SCMH1: variants seen among roughly 807,000 people sequenced by gnomAD.
SCMH1 encodes polycomb protein SCMH1.
Under a neutral mutation model 70.8 loss-of-function variants are expected in SCMH1, and 37 were observed. The observed-to-expected ratio is 0.52, with a 90% confidence interval of 0.40 to 0.69. The LOEUF is 0.69. Among genes scored for constraint, SCMH1 ranks in the 30% least tolerant of loss-of-function variants. The pLI, the probability that SCMH1 is intolerant of heterozygous loss-of-function variation, is 0.00. For synonymous variants in SCMH1, 292 were observed against 307.4 expected (o/e 0.95, Z 0.52); for missense variants, 607 against 827.3 (o/e 0.73, Z 3.27).
chr1:41,169,310 T>C (rs1400207920), intron 2 of SCMH1, among the ~76,000 whole-genome samples: 1 of 152,208 alleles, frequency 6.6e-6, no homozygotes, highest in African/African-American at 2.4e-5. Context: ...AGCTCCCGAA[T>C]GTAAGTTCAT....
chr1:41,062,740 GAAAAAAA>G (rs1292039887), intron 10 of SCMH1, among the ~76,000 whole-genome samples: 5 of 98,206 alleles, frequency 5.1e-5, no homozygotes, highest in Non-Finnish European at 8.4e-5. Context: ...CTCCATCTCA[GAAAAAAA>G]AAAAAAAAAG....
chr1:41,135,455 G>C (rs1643133861), intron 6 of SCMH1, among the ~76,000 whole-genome samples: 1 of 152,082 alleles, frequency 6.6e-6, no homozygotes, highest in Non-Finnish European at 1.5e-5. Flanking sequence ...GGTTTTATAA[G>C]GGGCTTCCCC....
rs145818067 is a variant in SCMH1, at chr1:41,231,879, G to A, written c.-118+10180C>T. Among the ~76,000 whole-genome samples, 1,121 of 151,982 alleles carry A rather than the reference G, an allele frequency of 7.4e-3. 17 individuals are homozygous for A. The highest frequency in any genetic ancestry group is 0.025 in the African/African-American group (1,049 of 41,432). On this transcript the variant is annotated intron_variant, in intron 1 of 14. Coordinates refer to ENST00000337495, the Ensembl canonical transcript of SCMH1. Reference sequence around the variant, plus strand: ...CTATTAAAAATACAAAAAATTAGCCGGGTGTGGTGGTAGGCACCTGTAATC... The same window carrying A: ...CTATTAAAAATACAAAAAATTAGCCAGGTGTGGTGGTAGGCACCTGTAATC...
intron 9 of SCMH1, among the ~76,000 whole-genome samples, chr1:41,072,364 C>A (rs903936310): frequency 1.3e-5 from 2 of 152,120 alleles, no homozygotes; most frequent in Non-Finnish European, 2.9e-5. Flanking sequence ...ATAATGTAAA[C>A]CTATTTGAGA....
intron 12 of SCMH1, chr1:41,043,199 T>C (rs891586995): frequency 1.2e-4 from 18 of 152,084 alleles, no homozygotes; most frequent in African/African-American, 4.1e-4. Context: ...GTTCAAGCAA[T>C]TCTCCTGCCT....
chr1:41,083,159 T>C (rs977792169), intron 8 of SCMH1, among the ~76,000 whole-genome samples: 59 of 152,156 alleles, frequency 3.9e-4, no homozygotes, highest in Non-Finnish European at 7.8e-4. Context: ...AAAGGGTATT[T>C]AATTAGGAAA....
At chr1:41,029,492 G>A (rs890052787) in intron 13 of SCMH1, among the ~76,000 whole-genome samples, 11 of 152,106 alleles carry the variant, frequency 7.2e-5, no homozygotes, top group Non-Finnish European at 1.0e-4. Context: ...GAACCACCGC[G>A]CCCAGCCACA....
intron 13 of SCMH1, among the ~76,000 whole-genome samples, chr1:41,033,152 T>C (rs1380999876): frequency 6.6e-6 from 1 of 151,686 alleles, no homozygotes; most frequent in Non-Finnish European, 1.5e-5. Flanking sequence ...GGTGTGGTGG[T>C]GCATGCCTGC....
In SCMH1 at chr1:41,171,654, A is replaced by T. The variant is rs188676639; in HGVS notation, c.14-10222T>A. 1.1e-4 allele frequency among the ~76,000 whole-genome samples: 17 copies of T among 152,324 alleles called. No individual in the cohort carries two copies. The East Asian group carries it at 3.3e-3, about 29-fold the overall frequency. ...ATTCTCCAAATTAGACCATAAGTAAATCTCACCAAATTTAAGAGAACTGAA... is the reference window on the plus strand; with the variant it reads ...ATTCTCCAAATTAGACCATAAGTAATTCTCACCAAATTTAAGAGAACTGAA... On this transcript the variant is annotated intron_variant, in intron 2 of 14. Transcript: ENST00000337495.
rs369008811 is a variant in SCMH1, at chr1:41,192,815, GATGCACACTT to G, written c.-117-6575_-117-6566del. On this transcript the variant is annotated intron_variant, in intron 1 of 14. Coordinates refer to ENST00000337495, the Ensembl canonical transcript of SCMH1. Reference sequence around the variant, plus strand: ...CTATGGCTTGTTTTCATTGCATTATGATGCACACTTATGCTTCACCAATTCACATTCCTCT... The same window carrying G: ...CTATGGCTTGTTTTCATTGCATTATGATGCTTCACCAATTCACATTCCTCT... Among the ~76,000 whole-genome samples the G allele has an allele frequency of 2.2e-4, 34 of 152,204 alleles. 1 individual carries two copies. The East Asian group carries it at 5.0e-3, about 22-fold the overall frequency.
intron 10 of SCMH1, among the ~76,000 whole-genome samples, chr1:41,055,915 CT>C (rs1650095270): frequency 6.6e-6 from 1 of 152,176 alleles, no homozygotes; most frequent in Non-Finnish European, 1.5e-5. Flanking sequence ...GATGAGACTT[CT>C]GATGGGGCAT....
intron 10 of SCMH1, among the ~76,000 whole-genome samples, chr1:41,058,378 G>GCTTTTT (rs1651265519): frequency 1.2e-5 from 1 of 81,640 alleles, no homozygotes; most frequent in Non-Finnish European, 2.1e-5. Flanking sequence ...TTTCTTTCTT[G>GCTTTTT]TTTTTTTTTT....
intron 5 of SCMH1, among the ~76,000 whole-genome samples, chr1:41,149,788 T>G (rs897557387): frequency 6.6e-6 from 1 of 152,238 alleles, no homozygotes; most frequent in East Asian, 1.9e-4. Context: ...GATGTTCTAG[T>G]CTAGCTGGTG....
At chr1:41,051,542 T>G (rs1372015709) in intron 10 of SCMH1, among the ~76,000 whole-genome samples, 1 of 152,104 alleles carries the variant, frequency 6.6e-6, no homozygotes, top group Non-Finnish European at 1.5e-5. Flanking sequence ...GGACAAGATA[T>G]GGAGATAGGA....
chr1:41,229,475 C>G (rs772796368), intron 1 of SCMH1, among the ~76,000 whole-genome samples: 7 of 152,116 alleles, frequency 4.6e-5, no homozygotes, highest in Non-Finnish European at 8.8e-5. Flanking sequence ...TCATTCTGAG[C>G]AAACTATCAC....
At chr1:41,033,273 G>T (rs1644807936) in intron 13 of SCMH1, among the ~76,000 whole-genome samples, 1 of 150,650 alleles carries the variant, frequency 6.6e-6, no homozygotes, top group African/African-American at 2.4e-5. Flanking sequence ...GTGACACAGT[G>T]AGAGACACTA....
At chr1:41,152,561 A>G in intron 4 of SCMH1, 1 of 1,606,904 alleles carries the variant, frequency 6.2e-7, no homozygotes, top group Non-Finnish European at 8.5e-7. Flanking sequence ...TCTTTATTTA[A>G]AGGTTAAACC....
intron 10 of SCMH1, among the ~76,000 whole-genome samples, chr1:41,068,234 T>G (rs1442721682): frequency 6.6e-6 from 1 of 151,910 alleles, no homozygotes; most frequent in African/African-American, 2.4e-5. Context: ...CAATACAAAG[T>G]TTGGAAGATA....
chr1:41,221,563 AG>A (rs1368531468), intron 1 of SCMH1, among the ~76,000 whole-genome samples: 3 of 148,986 alleles, frequency 2.0e-5, no homozygotes, highest in African/African-American at 7.3e-5. Flanking sequence ...AAAATTCAAT[AG>A]GGCATGGCCA....
Sources: gnomAD v4.1 joint callset for allele counts (sites outside exome capture counted in the v4.1 genomes callset) on GRCh38, gnomAD v4.1.1 for gene constraint, MANE v1.5 for transcripts, NCBI Gene and HGNC (gene_info 2026-07-23, HGNC 2026-07-21) for gene names.